Variants in ASB2 observed in about 807,000 individuals in gnomAD.
ASB2 encodes the protein ankyrin repeat and SOCS box protein 2.
A neutral mutation model predicts 62.4 loss-of-function variants in ASB2; 58 were observed. The observed-to-expected ratio is 0.93, with a 90% CI of 0.75 to 1.16. The LOEUF (loss-of-function observed/expected upper bound fraction) is 1.16, where lower values mean the gene tolerates loss of function less well. ASB2 is among the 50% of genes most tolerant of loss of function. The pLI is 0.00. For missense variants in ASB2, 928 were observed against 887.9 expected (o/e 1.05, Z -0.57); for synonymous variants, 386 against 385.3 (o/e 1.00, Z -0.02).
intron 1 of ASB2, among the ~76,000 whole-genome samples, chr14:93,964,839 C>T (rs994532431): frequency 6.6e-6 from 1 of 151,990 alleles, no homozygotes; most frequent in South Asian, 2.1e-4. Flanking sequence ...ATTTATGCAT[C>T]CTCCCATACA....
chr14:93,964,614 T>C lies in ASB2; in HGVS notation c.-73-2A>G, dbSNP rs1889527385. The C allele has an allele frequency of 2.1e-6, 3 of 1,431,988 alleles. No individual in the cohort carries two copies. In the South Asian group the frequency reaches 3.7e-5, roughly 17 times the overall value. 88.7% of individuals were successfully genotyped at this position (1,431,988 alleles called of 1,614,324 possible). ...GAGGGAACAGCAAATCAGAAAACCC[T>C]GTGAGGAAACCAAAACCATCCTGGT... On this transcript the variant is annotated splice_acceptor_variant, in intron 1 of 9. Coordinates refer to ENST00000555019, the MANE Select transcript of ASB2 (RefSeq NM_001202429.2). LOFTEE classifies it low-confidence loss of function (5UTR_SPLICE).
chr14:93,939,780 T>C, intron 7 of ASB2, 108 bp from the exon 8 acceptor site: 1 of 918,614 alleles, frequency 1.1e-6, no homozygotes, highest in Non-Finnish European at 1.5e-6. Flanking sequence ...CTGGTCGCCC[T>C]GACCGCGGGC....
intron 6 of ASB2, among the ~76,000 whole-genome samples, chr14:93,950,183 G>T (rs1180032641): frequency 1.3e-5 from 2 of 152,244 alleles, no homozygotes; most frequent in Non-Finnish European, 2.9e-5. Flanking sequence ...CACTTAGCAA[G>T]TCCTCAACAG....
chr14:93,966,719 T>C (rs969856564), intron 1 of ASB2, among the ~76,000 whole-genome samples: 2 of 152,196 alleles, frequency 1.3e-5, no homozygotes, highest in African/African-American at 4.8e-5. Flanking sequence ...AGTCAAATCA[T>C]CTTAACGAAT....
intron 1 of ASB2, among the ~76,000 whole-genome samples, chr14:93,969,269 C>T (rs61615536): frequency 1.5e-3 from 233 of 152,214 alleles, no homozygotes; most frequent in African/African-American, 4.7e-3. Context: ...GATGCTATGG[C>T]GGCGTCTCCT....
At chr14:93,970,650 T>C (rs186694891) in intron 1 of ASB2, among the ~76,000 whole-genome samples, 1 of 152,118 alleles carries the variant, frequency 6.6e-6, no homozygotes, top group East Asian at 1.9e-4. Context: ...GAATGAACGA[T>C]AGGATCATGA....
At position 93,957,073 on chromosome 14, in the gene ASB2, G is replaced by A. The variant is rs939584848; in HGVS notation, c.207-203C>T. On this transcript the variant is annotated intron_variant, in intron 2 of 9. Coordinates refer to ENST00000555019, the MANE Select transcript of ASB2 (RefSeq NM_001202429.2). ...GTCTCCGGATTATTTTTGGCCCTTGGAGGAAGCCCTGGGAGATTTAAATGA... is the reference window on the plus strand; with the variant it reads ...GTCTCCGGATTATTTTTGGCCCTTGAAGGAAGCCCTGGGAGATTTAAATGA... 15 of 1,454,004 alleles carry A rather than the reference G, an allele frequency of 1.0e-5. No homozygotes were observed. In the African/African-American group the frequency reaches 1.7e-4, roughly 17 times the overall value. 90.1% of individuals were successfully genotyped at this position (1,454,004 alleles called of 1,614,324 possible). A position where few individuals can be genotyped will look rare whatever the true frequency, so the allele number is the denominator to read the frequency against.
At chr14:93,969,778 C>T (rs1889706475) in intron 1 of ASB2, 1 of 152,272 alleles carries the variant, frequency 6.6e-6, no homozygotes, top group Non-Finnish European at 1.5e-5. Context: ...AGGAGTGCCT[C>T]TCCTGCCCTC....
rs1002175429 is a variant in ASB2 at position 93,964,549 on chromosome 14, C to T, written c.-10G>A. The T allele has an allele frequency of 5.9e-6, 9 of 1,535,988 alleles. No homozygotes were observed. The Admixed American group carries it at 1.2e-4, about 20-fold the overall frequency. ...TGATCTGCGTGGCCATCCTCCTCCACCTCTCACCCTGGCCTCCAGAACAGA... is the reference window on the plus strand; with the variant it reads ...TGATCTGCGTGGCCATCCTCCTCCATCTCTCACCCTGGCCTCCAGAACAGA... On this transcript the variant is annotated 5_prime_UTR_variant, in exon 2 of 10. It adds an upstream start codon to the 5' untranslated region. Transcript: ENST00000555019.
intron 1 of ASB2, among the ~76,000 whole-genome samples, chr14:93,971,212 G>C (rs1003292973): frequency 5.3e-5 from 8 of 152,138 alleles, no homozygotes; most frequent in African/African-American, 1.9e-4. Context: ...TCAGCTCCCC[G>C]GGCTGTGCGC....
At chr14:93,961,378 CT>C (rs1889403983) in intron 2 of ASB2, among the ~76,000 whole-genome samples, 2 of 152,212 alleles carry the variant, frequency 1.3e-5, no homozygotes, top group African/African-American at 4.8e-5. Flanking sequence ...CCATCTATTC[CT>C]TTATTCACCC....
At chr14:93,934,871 T>C (rs769216783) in intron 9 of ASB2, 79 bp from the exon 10 acceptor site, 1 of 1,237,908 alleles carries the variant, frequency 8.1e-7, no homozygotes, top group Non-Finnish European at 1.2e-6. Context: ...CCCCAGCCTA[T>C]GGGAGGTGCC....
chr14:93,964,655 A>G, intron 1 of ASB2, 43 bp from the exon 2 acceptor site: 1 of 895,574 alleles, frequency 1.1e-6, no homozygotes, highest in East Asian at 2.7e-5. Flanking sequence ...ACAGTTTTGC[A>G]GGATAGCTAT....
chr14:93,971,190 C>T (rs1013473413), intron 1 of ASB2, among the ~76,000 whole-genome samples: 2 of 152,224 alleles, frequency 1.3e-5, no homozygotes, highest in Non-Finnish European at 1.5e-5. Flanking sequence ...GTCAAAACTG[C>T]CGCTGTGACT....
At chr14:93,939,836 C>T (rs1055187192) in intron 7 of ASB2, 164 bp from the exon 8 acceptor site, 1 of 520,930 alleles carries the variant, frequency 1.9e-6, no homozygotes, top group Non-Finnish European at 3.2e-6. Flanking sequence ...GTCAACCATT[C>T]TCACCCCACT....
intron 9 of ASB2, 91 bp from the exon 10 acceptor site, chr14:93,934,883 A>G (rs1241549059): frequency 1.8e-6 from 2 of 1,096,188 alleles, no homozygotes; most frequent in Non-Finnish European, 2.8e-6. Flanking sequence ...GGAGGTGCCC[A>G]GCTGATGTGG....
intron 3 of ASB2, chr14:93,955,271 T>C: frequency 4.8e-6 from 2 of 416,392 alleles, no homozygotes; most frequent in South Asian, 1.7e-5. Flanking sequence ...GGATGGGCTC[T>C]GGGCGGTCTC....
intron 1 of ASB2, among the ~76,000 whole-genome samples, chr14:93,971,061 C>T (rs1396548151): frequency 1.3e-5 from 2 of 152,208 alleles, no homozygotes; most frequent in Non-Finnish European, 2.9e-5. Context: ...GCCCAGCTGG[C>T]GGTTCTCTAG....
intron 9 of ASB2, among the ~76,000 whole-genome samples, chr14:93,935,423 G>GTCA (rs1555427229): frequency 3.3e-5 from 5 of 150,850 alleles, no homozygotes; most frequent in Admixed American, 1.3e-4. Flanking sequence ...ATCACAGAAT[G>GTCA]TCATTCATTC....
Sources: allele counts gnomAD v4.1 joint callset (sites outside exome capture counted in the v4.1 genomes callset), GRCh38; gene constraint gnomAD v4.1.1; transcripts MANE v1.5; gene names NCBI Gene and HGNC (gene_info 2026-07-23, HGNC 2026-07-21).